SNX6: variants seen among roughly 807,000 people sequenced by gnomAD.
SNX6 encodes the protein sorting nexin 6, also known as sorting nexin-6.
In SNX6, 34 loss-of-function variants were observed where a neutral mutation model predicts 63.0. That is an observed-to-expected ratio of 0.54 (90% CI 0.41 to 0.72). SNX6 has a LOEUF of 0.72. SNX6 is among the 30% of genes least tolerant of loss of function. The pLI is 0.00. For missense variants in SNX6, 398 were observed against 471.4 expected, an observed-to-expected ratio of 0.84 and a Z score of 1.44; for synonymous variants, 170 against 164.2, an observed-to-expected ratio of 1.04 and a Z score of -0.27.
chr14:34,629,915 C>T lies in SNX6; in HGVS notation c.46G>A (p.Asp16Asn). The T allele has an allele frequency of 6.4e-7, 1 of 1,556,342 alleles. No homozygotes were observed. Among genetic ancestry groups the T allele is most frequent in the East Asian group, 2.4e-5 (1 of 41,738 alleles). Residue 16 changes from aspartate (D) to asparagine (N), a missense_variant, in exon 2 of 14, where the codon GAC becomes AAC. Coordinates refer to ENST00000362031, the MANE Select transcript of SNX6 (RefSeq NM_152233.4). The part of the protein sequence containing the change: ...DDGPDFLSEE[D>N]RGLKAINVDL... Reference sequence around the variant, plus strand: ...AGGAAGGCAGAACTTACTCCGCGGTCCTCTTCTGAGAGGAAGTCCGGGCCG... The same window carrying T: ...AGGAAGGCAGAACTTACTCCGCGGTTCTCTTCTGAGAGGAAGTCCGGGCCG...
In SNX6 at chr14:34,603,343, C is replaced by T; in HGVS notation, c.516+5G>A. On this transcript the variant is annotated splice_donor_5th_base_variant and intron_variant, in intron 6 of 13. Transcript: ENST00000362031. ...AACTTGACCACCAATCAATGTGATA[C>T]TCACATCTTGATTATATTCCAAGAA... The T allele has an allele frequency of 6.3e-7, 1 of 1,593,842 alleles. No homozygotes were observed. Among genetic ancestry groups the T allele is most frequent in the South Asian group, 1.2e-5 (1 of 85,976 alleles).
At chr14:34,593,591 T>G (rs1224462756) in intron 7 of SNX6, among the ~76,000 whole-genome samples, 3 of 147,766 alleles carry the variant, frequency 2.0e-5, no homozygotes, top group Non-Finnish European at 3.0e-5. Context: ...TTTTTTTTTT[T>G]AGGCAAAGTC....
chr14:34,617,222 CAT>C (rs371249674), intron 2 of SNX6, among the ~76,000 whole-genome samples: 65 of 152,248 alleles, frequency 4.3e-4, no homozygotes, highest in South Asian at 1.9e-3. Flanking sequence ...CTAGGTTAAA[CAT>C]GTGTGTCGCT....
intron 5 of SNX6, 195 bp downstream of exon 5, chr14:34,605,401 A>G: frequency 5.2e-6 from 2 of 384,676 alleles, no homozygotes; most frequent in Non-Finnish European, 9.2e-6. Context: ...TACAGTGGAA[A>G]CAATTATTCT....
At chr14:34,604,312 T>C (rs1882936246) in intron 5 of SNX6, 1 of 1,226,528 alleles carries the variant, frequency 8.2e-7, no homozygotes, top group South Asian at 1.4e-5. Context: ...CACTGGAAAA[T>C]CACAGATTCT....
chr14:34,602,353 G>T (rs1462005255), intron 6 of SNX6, among the ~76,000 whole-genome samples: 3 of 151,856 alleles, frequency 2.0e-5, no homozygotes, highest in East Asian at 1.9e-4. Context: ...TTGAACCAAG[G>T]AGGCAGAGGT....
At chr14:34,596,048 T>A (rs1405607884) in intron 7 of SNX6, among the ~76,000 whole-genome samples, 1 of 151,540 alleles carries the variant, frequency 6.6e-6, no homozygotes, top group African/African-American at 2.4e-5. Flanking sequence ...TGAAACCCCA[T>A]CTGTACTAAA....
chr14:34,563,233 C>T (rs1349882358), intron 13 of SNX6, 58 bp from the exon 14 acceptor site: 22 of 1,488,170 alleles, frequency 1.5e-5, no homozygotes, highest in Middle Eastern at 1.7e-4. Flanking sequence ...CAGAAGACTC[C>T]TACTGAAAAT....
At chr14:34,597,686 G>T in intron 6 of SNX6, 41 bp from the exon 7 acceptor site, 1 of 1,083,496 alleles carries the variant, frequency 9.2e-7, no homozygotes, top group Non-Finnish European at 1.4e-6. Context: ...GTTACAAATG[G>T]AAAGCAGTGC....
intron 11 of SNX6, among the ~76,000 whole-genome samples, chr14:34,575,261 C>T (rs149892308): frequency 0.01 from 1,547 of 148,892 alleles, 28 homozygotes; most frequent in African/African-American, 0.033. Flanking sequence ...TGCAATGGCA[C>T]GCGATCTCAG....
intron 2 of SNX6, among the ~76,000 whole-genome samples, chr14:34,620,847 A>G (rs1160726917): frequency 2.6e-5 from 4 of 152,148 alleles, no homozygotes. Flanking sequence ...AAGCTGAGAC[A>G]CAAGAAACTG....
intron 8 of SNX6, among the ~76,000 whole-genome samples, chr14:34,592,339 A>C (rs1477307918): frequency 6.6e-6 from 1 of 151,998 alleles, no homozygotes; most frequent in Admixed American, 6.6e-5. Flanking sequence ...CAGTGAGCTG[A>C]GATTGCACCG....
chr14:34,580,946 T>C (rs1372444741), intron 10 of SNX6, among the ~76,000 whole-genome samples: 1 of 151,890 alleles, frequency 6.6e-6, no homozygotes, highest in South Asian at 2.1e-4. Flanking sequence ...GTTAAGTCAC[T>C]GCACACAGAA....
intron 9 of SNX6, among the ~76,000 whole-genome samples, chr14:34,585,505 A>G (rs956377058): frequency 1.3e-5 from 2 of 152,080 alleles, no homozygotes; most frequent in Admixed American, 6.6e-5. Context: ...GGGTGACAGA[A>G]TAAGACCCTG....
intron 11 of SNX6, among the ~76,000 whole-genome samples, chr14:34,568,322 G>A (rs1881284367): frequency 1.3e-5 from 2 of 150,622 alleles, no homozygotes; most frequent in South Asian, 4.2e-4. Flanking sequence ...CCTCCACCTC[G>A]CAGATTCAAG....
Position 34,593,037 on chromosome 14 carries a change from A to T in SNX6, c.718+8T>A. On this transcript the variant is annotated splice_region_variant and intron_variant, in intron 8 of 13. Transcript: ENST00000362031. ...AAGATATAAGCTTTAGCCACAGAAA[A>T]ATCTTACTTTTGTGGGATCTTGTCA... is the stretch of plus-strand genomic sequence containing the variant. 1 of 1,551,838 alleles carries T rather than the reference A, an allele frequency of 6.4e-7. No individual in the cohort carries two copies. Among genetic ancestry groups the T allele is most frequent in the South Asian group, 1.2e-5 (1 of 85,664 alleles).
rs1882899707 is a variant in SNX6, at chr14:34,603,388, C to T, written c.476G>A (p.Arg159Lys). 4.3e-6 allele frequency: 7 copies of T among 1,610,878 alleles called. No individual in the cohort carries two copies. The East Asian group carries it at 6.7e-5, about 15-fold the overall frequency. ...CRVAAHPILR[R>K]DLNFHVFLEY... ...CAAGAAGACATGGAAATTTAAATCT[C>T]TTCTCAAAATAGGATGTGCTGCCAC... The change falls in exon 6 of 14, where the codon AGA (arginine) becomes AAA (lysine). Residue 159 changes from arginine (R) to lysine (K), a missense_variant. Transcript: ENST00000362031.
chr14:34,599,850 G>C (rs1442446640), intron 6 of SNX6, among the ~76,000 whole-genome samples: 1 of 150,808 alleles, frequency 6.6e-6, no homozygotes, highest in Non-Finnish European at 1.5e-5. Context: ...CATCCAAACA[G>C]TCTTTCTGAC....
intron 13 of SNX6, among the ~76,000 whole-genome samples, chr14:34,566,503 C>A (rs1016986492): frequency 6.6e-6 from 1 of 152,150 alleles, no homozygotes; most frequent in African/African-American, 2.4e-5. Flanking sequence ...CGTGAGCCAC[C>A]GCACCCAGCC....
Sources: allele counts gnomAD v4.1 joint callset (sites outside exome capture counted in the v4.1 genomes callset), GRCh38; gene constraint gnomAD v4.1.1; transcripts MANE v1.5; gene names NCBI Gene and HGNC (gene_info 2026-07-23, HGNC 2026-07-21).